The following ZMAT4 variants were observed in gnomAD, a reference collection of about 807,000 sequenced individuals.
ZMAT4 encodes zinc finger matrin-type 4.
A neutral mutation model predicts 28.7 loss-of-function variants in ZMAT4; 17 were observed. The observed-to-expected ratio is 0.59, with a 90% CI of 0.41 to 0.89. The LOEUF (loss-of-function observed/expected upper bound fraction) is 0.89. Ranked by LOEUF, ZMAT4 falls within the 40% of genes least tolerant of loss-of-function variation. The pLI, the probability that ZMAT4 is intolerant of heterozygous loss-of-function variation, is 0.00. For missense variants in ZMAT4, 240 were observed against 283.8 expected (o/e 0.85, Z 1.11); for synonymous variants, 117 against 109.2 (o/e 1.07, Z -0.44).
At chr8:40,635,284 A>C (rs758495428) in intron 5 of ZMAT4, among the ~76,000 whole-genome samples, 1 of 152,166 alleles carries the variant, frequency 6.6e-6, no homozygotes, top group Non-Finnish European at 1.5e-5. Context: ...TAGGGGCCTT[A>C]ATACGAGTGG....
rs535704157 is a variant in ZMAT4 at position 40,719,821 on chromosome 8, C to G, written c.193-22420G>C. 7.0e-4 allele frequency among the ~76,000 whole-genome samples: 106 copies of G among 152,264 alleles called. 1 individual carries two copies. The South Asian group carries it at 0.021, about 30-fold the overall frequency. ...CCTGATCTCAGGTGATCTGCCCCCC[C>G]TCAGCCTCCCAAAGTGCTGGGATTA... On this transcript the variant is annotated intron_variant, in intron 3 of 6. Coordinates refer to ENST00000297737, the MANE Select transcript of ZMAT4 (RefSeq NM_024645.3).
chr8:40,698,932 G>C (rs142572882), intron 3 of ZMAT4, among the ~76,000 whole-genome samples: 3 of 152,036 alleles, frequency 2.0e-5, no homozygotes, highest in African/African-American at 7.2e-5. Context: ...AAATCTAGTA[G>C]CCCTGAGGCT....
chr8:40,626,045 G>T (rs1806365377), intron 5 of ZMAT4, among the ~76,000 whole-genome samples: 2 of 151,624 alleles, frequency 1.3e-5, no homozygotes, highest in South Asian at 4.2e-4. Flanking sequence ...GGGAGGTGGA[G>T]GTTGCAGTGA....
intron 3 of ZMAT4, among the ~76,000 whole-genome samples, chr8:40,742,325 G>A (rs1231310108): frequency 2.0e-5 from 3 of 150,456 alleles, no homozygotes; most frequent in Non-Finnish European, 4.4e-5. Flanking sequence ...ATATAATATG[G>A]AAATATAGTT....
chr8:40,869,313 T>C (rs145192500), intron 1 of ZMAT4, among the ~76,000 whole-genome samples: 22 of 152,336 alleles, frequency 1.4e-4, no homozygotes, highest in African/African-American at 5.1e-4. Flanking sequence ...CAGTGAACAT[T>C]TACCAATTGG....
At chr8:40,794,120 A>G (rs180694014) in intron 2 of ZMAT4, among the ~76,000 whole-genome samples, 3 of 152,300 alleles carry the variant, frequency 2.0e-5, no homozygotes, top group Admixed American at 1.3e-4. Flanking sequence ...TTTGAACTCA[A>G]ACATAAATAT....
In ZMAT4 at chr8:40,671,945, G is replaced by GTTCA. The variant is rs564742277; in HGVS notation, c.577+2755_577+2758dup. On this transcript the variant is annotated intron_variant, in intron 5 of 6. Coordinates refer to ENST00000297737, the MANE Select transcript of ZMAT4 (RefSeq NM_024645.3). ...GTGATTTTGTTTTAGGGCATTCTCT[G>GTTCA]TTCATTCATTCATTCATTCAGAAAC... Among the ~76,000 whole-genome samples, 754 of 152,214 alleles carry GTTCA rather than the reference G, an allele frequency of 5.0e-3. 5 individuals are homozygous for GTTCA. Among genetic ancestry groups the GTTCA allele is most frequent in the African/African-American group, 0.017 (713 of 41,526 alleles).
intron 1 of ZMAT4, among the ~76,000 whole-genome samples, chr8:40,886,249 G>A (rs1818448372): frequency 6.6e-6 from 1 of 152,216 alleles, no homozygotes; most frequent in South Asian, 2.1e-4. Context: ...AGACAAAGGG[G>A]ACAGATCAGG....
At chr8:40,544,306 ATATGCTAGAAT>A (rs1189692075) in intron 6 of ZMAT4, among the ~76,000 whole-genome samples, 1 of 152,216 alleles carries the variant, frequency 6.6e-6, no homozygotes, top group East Asian at 1.9e-4. Flanking sequence ...GGACAGCAAA[ATATGCTAGAAT>A]TAAGAAATGG....
intron 1 of ZMAT4, among the ~76,000 whole-genome samples, chr8:40,864,989 G>C (rs1426132535): frequency 1.3e-5 from 2 of 152,030 alleles, no homozygotes; most frequent in Non-Finnish European, 2.9e-5. Context: ...TTAAATAAAA[G>C]GGTGACATTG....
chr8:40,843,924 G>A (rs997404131), intron 1 of ZMAT4, among the ~76,000 whole-genome samples: 7 of 152,182 alleles, frequency 4.6e-5, no homozygotes, highest in South Asian at 4.1e-4. Flanking sequence ...TTTAAGATCA[G>A]TCCCTTCTAT....
chr8:40,729,801 G>A lies in ZMAT4; in HGVS notation c.193-32400C>T, dbSNP rs113127304. 6.2e-4 allele frequency among the ~76,000 whole-genome samples: 94 copies of A among 152,152 alleles called. No homozygotes were observed. In the East Asian group the frequency reaches 0.016, roughly 27 times the overall value. On this transcript the variant is annotated intron_variant, in intron 3 of 6. Transcript: ENST00000297737. Reference sequence around the variant, plus strand: ...TTGAGGAGAGATGGAGTTTCACCACGTTGGCAAGGATGGTCTCAATCTCTT... The same window carrying A: ...TTGAGGAGAGATGGAGTTTCACCACATTGGCAAGGATGGTCTCAATCTCTT...
chr8:40,545,570 T>A (rs757353494), intron 6 of ZMAT4, among the ~76,000 whole-genome samples: 2 of 152,136 alleles, frequency 1.3e-5, no homozygotes, highest in Non-Finnish European at 2.9e-5. Flanking sequence ...GGTGTCCTTA[T>A]GAAAAGGACA....
At chr8:40,835,096 A>G (rs2150621290) in intron 1 of ZMAT4, among the ~76,000 whole-genome samples, 1 of 152,292 alleles carries the variant, frequency 6.6e-6, no homozygotes, top group African/African-American at 2.4e-5. Context: ...GGCCCAAAGC[A>G]TCTGCTTTCT....
At chr8:40,711,715 C>T (rs1180786048) in intron 3 of ZMAT4, among the ~76,000 whole-genome samples, 1 of 152,146 alleles carries the variant, frequency 6.6e-6, no homozygotes, top group Non-Finnish European at 1.5e-5. Flanking sequence ...TTAAACTATG[C>T]TCATTAGAGG....
chr8:40,614,599 C>A (rs1244192014), intron 5 of ZMAT4, among the ~76,000 whole-genome samples: 2 of 152,186 alleles, frequency 1.3e-5, no homozygotes, highest in Non-Finnish European at 2.9e-5. Flanking sequence ...TTTTATGAAT[C>A]TGGGTGCTCC....
chr8:40,621,981 C>T (rs1007569727), intron 5 of ZMAT4, among the ~76,000 whole-genome samples: 2 of 152,128 alleles, frequency 1.3e-5, no homozygotes, highest in African/African-American at 4.8e-5. Flanking sequence ...GAGTCTTTCA[C>T]TTAGTTTTAG....
intron 5 of ZMAT4, among the ~76,000 whole-genome samples, chr8:40,672,246 A>G (rs1388897507): frequency 1.7e-4 from 26 of 152,154 alleles, no homozygotes; most frequent in Admixed American, 1.7e-3. Flanking sequence ...GCCTATATTT[A>G]TGGATTAGCA....
At chr8:40,609,135 G>A (rs1805704786) in intron 5 of ZMAT4, among the ~76,000 whole-genome samples, 1 of 152,160 alleles carries the variant, frequency 6.6e-6, no homozygotes, top group East Asian at 1.9e-4. Flanking sequence ...ATACATTGCA[G>A]ACCATACTTT....
Sources: allele counts gnomAD v4.1 joint callset (sites outside exome capture counted in the v4.1 genomes callset), GRCh38; gene constraint gnomAD v4.1.1; transcripts MANE v1.5; gene names NCBI Gene and HGNC (gene_info 2026-07-23, HGNC 2026-07-21).